The following ARPP19 variants were observed in gnomAD, a reference collection of about 807,000 sequenced individuals.
ARPP19 encodes the protein cAMP-regulated phosphoprotein 19.
A neutral mutation model predicts 12.0 loss-of-function variants in ARPP19; 8 were observed. That is an observed-to-expected ratio of 0.67 (90% confidence interval 0.39 to 1.21). The LOEUF is 1.21. Ranked by LOEUF, ARPP19 falls within the 50% of genes most tolerant of loss-of-function variation. The pLI is 0.01. For missense variants in ARPP19, 102 were observed against 136.3 expected, an observed-to-expected ratio of 0.75 and a Z score of 1.25; for synonymous variants, 47 against 50.4, an observed-to-expected ratio of 0.93 and a Z score of 0.29.
chr15:52,564,615 T>C (rs1285861175), intron 1 of ARPP19, among the ~76,000 whole-genome samples: 1 of 152,190 alleles, frequency 6.6e-6, no homozygotes, highest in East Asian at 1.9e-4. Flanking sequence ...CCAACCTGTA[T>C]CTCTTACCTG....
chr15:52,549,874 T>TATAA lies in ARPP19; in HGVS notation c.*2059_*2060insTTAT, dbSNP rs1048002931. On this transcript the variant is annotated 3_prime_UTR_variant, in exon 3 of 3. Coordinates refer to ENST00000249822, the MANE Select transcript of ARPP19 (RefSeq NM_006628.6). ...TGCTCTCATTACAAATATATATATA[T>TATAA]AACTGATCTTTACATTACAAATGAC... is the stretch of plus-strand genomic sequence containing the variant. The TATAA allele has an allele frequency of 1.0e-4, 16 of 152,594 alleles. No individual in the cohort carries two copies. Among genetic ancestry groups the TATAA allele is most frequent in the African/African-American group, 3.1e-4 (13 of 41,446 alleles). The allele number at this position is 152,594 out of a possible 1,614,324, so 9.5% of individuals were successfully genotyped here.
At chr15:52,566,970 G>A (rs1414598370) in intron 1 of ARPP19, among the ~76,000 whole-genome samples, 1 of 152,130 alleles carries the variant, frequency 6.6e-6, no homozygotes. Flanking sequence ...AACTATAAAG[G>A]TATTTTTAGC....
intron 1 of ARPP19, among the ~76,000 whole-genome samples, chr15:52,560,212 G>A (rs1176023532): frequency 6.6e-6 from 1 of 151,682 alleles, no homozygotes; most frequent in Non-Finnish European, 1.5e-5. Context: ...GGCCAGGCTG[G>A]TCTCGAACTC....
rs2077920999 is a variant in ARPP19, at chr15:52,550,630, A to G, written c.*1304T>C. On this transcript the variant is annotated 3_prime_UTR_variant, in exon 3 of 3. Coordinates refer to ENST00000249822, the MANE Select transcript of ARPP19 (RefSeq NM_006628.6). ...AGGCCCTATCCTAAAAAAAAAAGAG[A>G]AAGAAGTTAACAACTGAGAAATTAG... The G allele has an allele frequency of 6.6e-6, 1 of 152,152 alleles. No homozygotes were observed. The highest frequency in any genetic ancestry group is 1.5e-5 in the Non-Finnish European group (1 of 68,036). The allele number at this position is 152,152 out of a possible 1,614,324, so 9.4% of individuals were successfully genotyped here.
intron 2 of ARPP19, among the ~76,000 whole-genome samples, chr15:52,554,928 T>C (rs1292908657): frequency 2.0e-5 from 3 of 152,076 alleles, no homozygotes; most frequent in Non-Finnish European, 2.9e-5. Context: ...CCTATTATAA[T>C]AATCATAATA....
intron 1 of ARPP19, among the ~76,000 whole-genome samples, chr15:52,559,859 A>T (rs1353318214): frequency 6.6e-6 from 1 of 152,196 alleles, no homozygotes; most frequent in African/African-American, 2.4e-5. Context: ...CTGGCTTCAA[A>T]TAATTTTGGC....
chr15:52,557,203 G>A lies in ARPP19; in HGVS notation c.65C>T (p.Thr22Ile). 1 of 1,602,988 alleles carries A rather than the reference G, an allele frequency of 6.2e-7. No homozygotes were observed. The highest frequency in any genetic ancestry group is 8.5e-7 in the Non-Finnish European group (1 of 1,171,554). The change falls in exon 2 of 3, where the codon ACT (threonine) becomes ATT (isoleucine). Residue 22 changes from threonine (T) to isoleucine (I), a missense_variant. Coordinates refer to ENST00000249822, the MANE Select transcript of ARPP19 (RefSeq NM_006628.6). ...TGCTTCTTCTGCTTTCTCTGGACTA[G>A]TCACTTTATCTTCCATTTCCTAAAA... Reference protein sequence around the residue: ...EEQKEMEDKVTSPEKAEEAKL... With the variant: ...EEQKEMEDKVISPEKAEEAKL...
At chr15:52,552,835 C>T (rs1259426116) in intron 2 of ARPP19, among the ~76,000 whole-genome samples, 2 of 151,978 alleles carry the variant, frequency 1.3e-5, no homozygotes, top group African/African-American at 4.8e-5. Context: ...TTTGGGAGGC[C>T]GAGTTGGGTG....
intron 1 of ARPP19, chr15:52,564,128 T>C: frequency 8.3e-7 from 1 of 1,198,134 alleles, no homozygotes; most frequent in East Asian, 2.5e-5. Context: ...CCTAACAAAC[T>C]GTTGTATCGC....
chr15:52,553,202 C>A (rs1449950936), intron 2 of ARPP19, among the ~76,000 whole-genome samples: 1 of 152,198 alleles, frequency 6.6e-6, no homozygotes, highest in East Asian at 1.9e-4. Flanking sequence ...TGAACTAGAG[C>A]AGTTTACCAA....
At chr15:52,560,348 G>A (rs911330928) in intron 1 of ARPP19, among the ~76,000 whole-genome samples, 10 of 152,040 alleles carry the variant, frequency 6.6e-5, no homozygotes, top group African/African-American at 2.4e-4. Flanking sequence ...TATTAAGCAT[G>A]CTTAATTAAA....
At chr15:52,562,380 T>G (rs950528643) in intron 1 of ARPP19, among the ~76,000 whole-genome samples, 8 of 152,152 alleles carry the variant, frequency 5.3e-5, no homozygotes, top group African/African-American at 1.9e-4. Flanking sequence ...TATAAATCTC[T>G]AATATTTAGA....
intron 1 of ARPP19, among the ~76,000 whole-genome samples, chr15:52,564,926 TTCAA>T (rs1345871587): frequency 6.6e-6 from 1 of 152,176 alleles, no homozygotes; most frequent in African/African-American, 2.4e-5. Flanking sequence ...GGAAAATCCA[TTCAA>T]CCATTTTGTA....
upstream of ARPP19, chr15:52,569,096 C>T: frequency 1.8e-6 from 1 of 556,516 alleles, no homozygotes; most frequent in Non-Finnish European, 3.1e-6. Context: ...CTGCCCCTCC[C>T]GCACCGCACC....
chr15:52,557,847 GATT>G (rs1359805322), intron 1 of ARPP19: 1 of 151,948 alleles, frequency 6.6e-6, no homozygotes, highest in African/African-American at 2.4e-5. Context: ...AAAGTCATAG[GATT>G]ACAGGCATGA....
At chr15:52,560,872 G>GA (rs2078026017) in intron 1 of ARPP19, among the ~76,000 whole-genome samples, 1 of 152,174 alleles carries the variant, frequency 6.6e-6, no homozygotes, top group African/African-American at 2.4e-5. Flanking sequence ...ATAAACAGGG[G>GA]CTCTAGTAGC....
intron 2 of ARPP19, among the ~76,000 whole-genome samples, chr15:52,552,573 G>GC (rs1366544189): frequency 3.8e-5 from 4 of 105,600 alleles, no homozygotes; most frequent in East Asian, 3.0e-4. Context: ...GGGCAACAGA[G>GC]ACTGTCTCAC....
intron 1 of ARPP19, among the ~76,000 whole-genome samples, chr15:52,560,418 T>C (rs922356531): frequency 1.3e-5 from 2 of 152,232 alleles, no homozygotes; most frequent in African/African-American, 4.8e-5. Flanking sequence ...ATATTTAGAA[T>C]GAATTTATAA....
chr15:52,556,535 TCTGA>T (rs1202116235), intron 2 of ARPP19, among the ~76,000 whole-genome samples: 3 of 152,178 alleles, frequency 2.0e-5, no homozygotes, highest in South Asian at 2.1e-4. Flanking sequence ...TTAGAGTAAA[TCTGA>T]CTGTGAAACA....
Sources: allele counts gnomAD v4.1 joint callset (sites outside exome capture counted in the v4.1 genomes callset), GRCh38; gene constraint gnomAD v4.1.1; transcripts MANE v1.5; gene names NCBI Gene and HGNC (gene_info 2026-07-23, HGNC 2026-07-21).